Variants in ELMO3 observed in about 807,000 individuals in gnomAD.
ELMO3 encodes the protein engulfment and cell motility protein 3.
A neutral mutation model predicts 89.0 loss-of-function variants in ELMO3; 81 were observed. That is an observed-to-expected ratio of 0.91 (90% CI 0.76 to 1.09). The LOEUF (loss-of-function observed/expected upper bound fraction) is 1.09. Ranked by LOEUF, ELMO3 falls within the 50% of genes least tolerant of loss-of-function variation. ELMO3 has a pLI of 0.00. For missense variants in ELMO3, 959 were observed against 972.8 expected (o/e 0.99, Z 0.19); for synonymous variants, 406 against 400.6 (o/e 1.01, Z -0.16).
intron 4 of ELMO3, 63 bp downstream of exon 4, chr16:67,200,064 C>T (rs1330043698): frequency 1.3e-6 from 2 of 1,584,450 alleles, no homozygotes; most frequent in East Asian, 2.3e-5. Context: ...CAGAGGCCCC[C>T]CGCCCCGGAG....
In ELMO3 at chr16:67,199,371, T is replaced by C. The variant is rs374860691; in HGVS notation, c.45T>C (p.Arg15=). 1.4e-4 allele frequency: 218 copies of C among 1,608,816 alleles called. No homozygotes were observed. The highest frequency in any genetic ancestry group is 1.8e-4 in the Non-Finnish European group (210 of 1,179,142). ...TGGTGAAGATTGCCATCAAGATGCG[T>C]GACGCCATCCCGCAGCTCATCCAGC... ...RNVVKIAIKM[R]DAIPQLIQLD... is the part of the protein sequence containing the mutation. Residue 15 remains arginine, a synonymous_variant, in exon 1 of 20, where the codon CGT becomes CGC. Transcript: ENST00000393997.
chr16:67,199,757 G>A lies in ELMO3; in HGVS notation c.192+1G>A. On this transcript the variant is annotated splice_donor_variant, in intron 3 of 19. Coordinates refer to ENST00000393997, the MANE Select transcript of ELMO3 (RefSeq NM_024712.5). LOFTEE classifies it high-confidence loss of function. ...GCACCGGAGATACATCACCGAGAAT[G>A]TGAGTCCCCTCTCCCCAGCCCCAAG... 6.2e-7 allele frequency: 1 copy of A among 1,610,898 alleles called. No homozygotes were observed. Among genetic ancestry groups the A allele is most frequent in the African/African-American group, 1.3e-5 (1 of 74,928 alleles).
At chr16:67,200,579 GGGGGCAGTGGAGCAGT>G (rs1389952945) in intron 6 of ELMO3, 29 bp downstream of exon 6, 2 of 1,613,108 alleles carry the variant, frequency 1.2e-6, no homozygotes, top group African/African-American at 2.7e-5. Flanking sequence ...GGCAGCGGGT[GGGGGCAGTGGAGCAGT>G]GGGGCAGTGG....
In ELMO3 at chr16:67,199,749, C is replaced by T. The variant is rs958588121; in HGVS notation, c.185C>T (p.Thr62Ile). 6.8e-6 allele frequency: 11 copies of T among 1,611,192 alleles called. No homozygotes were observed. Among genetic ancestry groups the T allele is most frequent in the Non-Finnish European group, 9.3e-6 (11 of 1,179,680 alleles). Reference protein sequence around the residue: ...QFADGHRRYITENNRAEIKNG... With the variant: ...QFADGHRRYIIENNRAEIKNG... ...GCGGATGGGCACCGGAGATACATCA[C>T]CGAGAATGTGAGTCCCCTCTCCCCA... The change falls in exon 3 of 20, where the codon ACC becomes ATC. Residue 62 changes from threonine (T) to isoleucine (I), a missense_variant. By Grantham distance (89) the Thr-to-Ile change is moderately conservative (BLOSUM62 -1). Coordinates refer to ENST00000393997, the MANE Select transcript of ELMO3 (RefSeq NM_024712.5).
At chr16:67,200,394 G>T (rs762810962) in intron 5 of ELMO3, 33 bp downstream of exon 5, 6 of 1,612,052 alleles carry the variant, frequency 3.7e-6, no homozygotes, top group Non-Finnish European at 5.1e-6. Context: ...TGGGGGAGAT[G>T]GTGGGTCTTT....
rs185811006 is a variant in ELMO3, at chr16:67,200,696, G to A, written c.553G>A (p.Val185Met). ...GAACATGAACCTCATGGATGCCTCC[G>A]TGCCTCCCCTGGCCCTTGGGCTGCT... ...YVNMNLMDAS[V>M]PPLALGLLES... The change falls in exon 7 of 20, where the codon GTG becomes ATG. Residue 185 changes from valine (V) to methionine (M), a missense_variant. Val to Met is a conservative substitution (Grantham distance 21). Transcript: ENST00000393997. 4.0e-4 allele frequency: 651 copies of A among 1,613,518 alleles called. 2 individuals are homozygous for A. The highest frequency in any genetic ancestry group is 5.3e-4 in the Non-Finnish European group (621 of 1,179,980).
chr16:67,203,535 T>C lies in ELMO3; in HGVS notation c.1902T>C (p.Arg634=), dbSNP rs771430318. The change falls in exon 19 of 20, where the codon CGT becomes CGC. Residue 634 remains arginine, a synonymous_variant. Coordinates refer to ENST00000393997, the MANE Select transcript of ELMO3 (RefSeq NM_024712.5). The surrounding 1 kb of genome is among the most constrained non-coding windows in gnomAD (Gnocchi z 4.6). ...YELAFSISYD[R]GEEEAYLNFI... The stretch of plus-strand genomic sequence containing the variant: ...TGGCCTTCTCAATCAGCTATGACCG[T>C]GGGGAGGAGGAAGCGTACCTCAACT... 2.5e-6 allele frequency: 4 copies of C among 1,611,890 alleles called. No individual in the cohort carries two copies. The highest frequency in any genetic ancestry group is 1.3e-5 in the African/African-American group (1 of 74,656).
chr16:67,199,486 CCCCTCCCCCCAGGCTCCTCCCCAT>C (rs1429988275), intron 1 of ELMO3, 43 bp from the exon 2 acceptor site: 24 of 1,545,550 alleles, frequency 1.6e-5, no homozygotes, highest in South Asian at 1.3e-4. Flanking sequence ...GCCCGCCCCA[CCCCTCCCCCCAGGCTCCTCCCCAT>C]CCCTCCCTGC....
At position 67,200,702 on chromosome 16, in the gene ELMO3, C is replaced by T; in HGVS notation, c.559C>T (p.Pro187Ser). The change falls in exon 7 of 20, where the codon CCC becomes TCC. Residue 187 changes from proline to serine, a missense_variant. Transcript: ENST00000393997. ...GAACCTCATGGATGCCTCCGTGCCTCCCCTGGCCCTTGGGCTGCTGGAGAG... is the reference window on the plus strand; with the variant it reads ...GAACCTCATGGATGCCTCCGTGCCTTCCCTGGCCCTTGGGCTGCTGGAGAG... ...NMNLMDASVP[P>S]LALGLLESVT... is the part of the protein sequence containing the mutation. 6.2e-7 allele frequency: 1 copy of T among 1,613,606 alleles called. No individual in the cohort carries two copies. Among genetic ancestry groups the T allele is most frequent in the South Asian group, 1.1e-5 (1 of 91,090 alleles).
Position 67,200,899 on chromosome 16 carries a change from G to C in ELMO3, c.675G>C (p.Gln225His). ...RLLVHLQVMN[Q>H]QLQTKAMALL... is the part of the protein sequence containing the mutation. Reference sequence around the variant, plus strand: ...CCTCTTCTTGCCATAGGATGAACCAGCAGCTGCAAACCAAGGCCATGGCCC... The same window carrying C: ...CCTCTTCTTGCCATAGGATGAACCACCAGCTGCAAACCAAGGCCATGGCCC... Residue 225 changes from glutamine to histidine, a missense_variant, in exon 8 of 20, where the codon CAG becomes CAC. Transcript: ENST00000393997. The C allele has an allele frequency of 6.2e-7, 1 of 1,613,712 alleles. No homozygotes were observed.
chr16:67,203,401 C>G lies in ELMO3; in HGVS notation c.1855C>G (p.Gln619Glu), dbSNP rs750180351. Residue 619 changes from glutamine (Q) to glutamate (E), a missense_variant, in exon 18 of 20, where the codon CAG becomes GAG. Gln to Glu is a conservative substitution (Grantham distance 29). Coordinates refer to ENST00000393997, the MANE Select transcript of ELMO3 (RefSeq NM_024712.5). The surrounding 1 kb of genome is among the most constrained non-coding windows in gnomAD (Gnocchi z 4.6). ...TGTCCGGGAGAAGGGCTCCGGGAAG[C>G]AGAACAAGGTGAGTACAGCGGGCCA... ...PHVREKGSGK[Q>E]NKDLYELAFS... is the part of the protein sequence containing the mutation. 1.9e-6 allele frequency: 3 copies of G among 1,612,354 alleles called. No individual in the cohort carries two copies. The Admixed American group carries it at 5.0e-5, about 27-fold the overall frequency.
chr16:67,201,506 T>A lies in ELMO3; in HGVS notation c.796-14T>A. The A allele has an allele frequency of 6.2e-7, 1 of 1,614,028 alleles. No individual in the cohort carries two copies. Among genetic ancestry groups the A allele is most frequent in the Non-Finnish European group, 8.5e-7 (1 of 1,179,958 alleles). On this transcript the variant is annotated splice_polypyrimidine_tract_variant and intron_variant, in intron 9 of 19. Transcript: ENST00000393997. ...GTGAGCCCTCGCTTACACCAGGGAC[T>A]GGCTGTCCTGCAGAACATCATCCAC...
At position 67,203,240 on chromosome 16, in the gene ELMO3, C is replaced by T. The variant is rs929916151; in HGVS notation, c.1780+17C>T. ...CCGAGCAACGTAAGGCGGGCAGGGG[C>T]GGGGGCCAGATACCTGCTCTCCCCA... On this transcript the variant is annotated intron_variant, in intron 17 of 19. Transcript: ENST00000393997. The surrounding 1 kb of genome is among the most constrained non-coding windows in gnomAD (Gnocchi z 4.6). 1.2e-5 allele frequency: 19 copies of T among 1,598,104 alleles called. No homozygotes were observed. The highest frequency in any genetic ancestry group is 2.7e-5 in the African/African-American group (2 of 74,784).
Position 67,203,246 on chromosome 16 carries a change from C to A in ELMO3, c.1780+23C>A. On this transcript the variant is annotated intron_variant, in intron 17 of 19. Coordinates refer to ENST00000393997, the MANE Select transcript of ELMO3 (RefSeq NM_024712.5). The surrounding 1 kb of genome is among the most constrained non-coding windows in gnomAD (Gnocchi z 4.6). ...AACGTAAGGCGGGCAGGGGCGGGGG[C>A]CAGATACCTGCTCTCCCCAGACCGC... 2 of 1,596,368 alleles carry A rather than the reference C, an allele frequency of 1.3e-6. No individual in the cohort carries two copies. The highest frequency in any genetic ancestry group is 3.4e-5 in the Admixed American group (2 of 58,286).
In ELMO3 at chr16:67,201,390, G is replaced by A. The variant is rs367806941; in HGVS notation, c.750G>A (p.Met250Ile). The change falls in exon 9 of 20, where the codon ATG becomes ATA. Residue 250 changes from methionine (M) to isoleucine (I), a missense_variant. By Grantham distance (10) the Met-to-Ile change is conservative. Coordinates refer to ENST00000393997, the MANE Select transcript of ELMO3 (RefSeq NM_024712.5). ...CTTTCTTTCTACCCCCTCAGCACAT[G>A]CTTGACTATCTTTGGCAGAGGAACC... The part of the protein sequence containing the change: ...QGASPVERKH[M>I]LDYLWQRNLR... The A allele has an allele frequency of 2.8e-5, 45 of 1,613,762 alleles. No individual in the cohort carries two copies. Among genetic ancestry groups the A allele is most frequent in the Non-Finnish European group, 3.2e-5 (38 of 1,179,988 alleles).
In ELMO3 at chr16:67,200,186, T is replaced by C; in HGVS notation, c.244-6T>C. 6.2e-7 allele frequency: 1 copy of C among 1,610,616 alleles called. No homozygotes were observed. The highest frequency in any genetic ancestry group is 8.5e-7 in the Non-Finnish European group (1 of 1,177,944). ...TTCACCTCTGCTCCTGCTCCGTTCC[T>C]GCCAGGACCTTGAGGCTGAGCAGCT... On this transcript the variant is annotated splice_region_variant and splice_polypyrimidine_tract_variant and intron_variant, in intron 4 of 19. Coordinates refer to ENST00000393997, the MANE Select transcript of ELMO3 (RefSeq NM_024712.5).
At position 67,203,728 on chromosome 16, in the gene ELMO3, C is replaced by T. The variant is rs750032962; in HGVS notation, c.2014C>T (p.Arg672Trp). 1.2e-5 allele frequency: 19 copies of T among 1,613,592 alleles called. No individual in the cohort carries two copies. Among genetic ancestry groups the T allele is most frequent in the Middle Eastern group, 1.6e-4 (1 of 6,070 alleles). ...CAGTCCCATGGGCAGCGAGCAGACA[C>T]GGCTGGACCTGGAGCAGCTGCTGAC... is the stretch of plus-strand genomic sequence containing the variant. ...LGSPMGSEQTRLDLEQLLTME... is the reference protein window; with the variant it reads ...LGSPMGSEQTWLDLEQLLTME... Residue 672 changes from arginine to tryptophan, a missense_variant, in exon 20 of 20, where the codon CGG becomes TGG. Physicochemically the swap from Arg to Trp is moderately radical, Grantham distance 101. Transcript: ENST00000393997. This position sits in a 1 kb window ranked among gnomAD's most constrained non-coding sequence, Gnocchi z 4.6.
intron 3 of ELMO3, 40 bp downstream of exon 3, chr16:67,199,796 C>T (rs1224697273): frequency 4.4e-6 from 7 of 1,605,726 alleles, no homozygotes; most frequent in Non-Finnish European, 6.0e-6. Flanking sequence ...GGCCTTCCGA[C>T]CCCTCTAACC....
At position 67,202,755 on chromosome 16, in the gene ELMO3, G is replaced by A; in HGVS notation, c.1527G>A (p.Arg509=). 1 of 1,613,578 alleles carries A rather than the reference G, an allele frequency of 6.2e-7. No individual in the cohort carries two copies. Among genetic ancestry groups the A allele is most frequent in the Non-Finnish European group, 8.5e-7 (1 of 1,179,990 alleles). The change falls in exon 15 of 20, where the codon CGG becomes CGA. Residue 509 remains arginine (R), a synonymous_variant. Transcript: ENST00000393997. ...GEVLRLRQTE[R]LHQEGTLAPP... ...TGCTGCGGCTGCGGCAGACTGAACG[G>A]CTGCACCAGGAGGGCACACTGGCTC...
Sources: allele counts gnomAD v4.1 joint callset, GRCh38; gene constraint gnomAD v4.1.1; non-coding constraint Gnocchi (gnomAD v3.1); transcripts MANE v1.5; gene names NCBI Gene and HGNC (gene_info 2026-07-23, HGNC 2026-07-21).